DAAM2: variants seen among roughly 807,000 people sequenced by gnomAD.
DAAM2 encodes the protein disheveled-associated activator of morphogenesis 2.
DAAM2 carries 39 observed loss-of-function variants against 120.7 expected under a neutral mutation model. The observed-to-expected ratio is 0.32, with a 90% CI of 0.25 to 0.42. DAAM2 has a LOEUF of 0.42. Among genes scored for constraint, DAAM2 ranks in the 10% least tolerant of loss-of-function variants. DAAM2 has a pLI of 1.00. For synonymous variants in DAAM2, 488 were observed against 524.9 expected (o/e 0.93, Z 0.96); for missense variants, 1,283 against 1,401.7 (o/e 0.92, Z 1.35).
chr6:39,879,217 C>T lies in DAAM2; in HGVS notation c.1585C>T (p.Leu529Phe), dbSNP rs1226587632. Residue 529 changes from leucine (L) to phenylalanine (F), a missense_variant, in exon 14 of 25, where the codon CTC (leucine) becomes TTC (phenylalanine). Coordinates refer to ENST00000274867, the MANE Select transcript of DAAM2 (RefSeq NM_001201427.2). ...VSSPPPPGGP[L>F]TLSSSMTTND... Reference sequence around the variant, plus strand: ...TTCCCCACCACCCCCTGGGGGCCCACTCACCTTGTCTTCCTCAATGACAAC... The same window carrying T: ...TTCCCCACCACCCCCTGGGGGCCCATTCACCTTGTCTTCCTCAATGACAAC... The T allele has an allele frequency of 6.5e-7, 1 of 1,550,304 alleles. No homozygotes were observed. The highest frequency in any genetic ancestry group is 8.7e-7 in the Non-Finnish European group (1 of 1,146,270).
intron 1 of DAAM2, chr6:39,792,907 A>C: frequency 6.6e-6 from 1 of 152,230 alleles, no homozygotes; most frequent in Non-Finnish European, 1.5e-5. Flanking sequence ...TGAAGTCTTC[A>C]CAAGCCCCCA....
At chr6:39,871,440 T>C (rs1209282569) in intron 8 of DAAM2, 66 bp from the exon 9 acceptor site, 2 of 1,447,822 alleles carry the variant, frequency 1.4e-6, no homozygotes, top group East Asian at 2.5e-5. Context: ...GAAGGGGCTG[T>C]AACCCTCAAC....
rs1761582971 is a variant in DAAM2, at chr6:39,792,683, T to TTG, written c.-57+228_-57+229dup. Among the ~76,000 whole-genome samples the TTG allele has an allele frequency of 2.6e-5, 4 of 151,890 alleles. No individual in the cohort carries two copies. In the South Asian group the frequency reaches 8.3e-4, roughly 32 times the overall value. On this transcript the variant is annotated intron_variant, in intron 1 of 24. Coordinates refer to ENST00000274867, the MANE Select transcript of DAAM2 (RefSeq NM_001201427.2). ...CTCCCAGGGCCTGTGTGTGTGTGAG[T>TTG]TGTGTGTGTGTATGAGTGTGATTGC...
intron 1 of DAAM2, among the ~76,000 whole-genome samples, chr6:39,836,153 T>A (rs1763093656): frequency 6.6e-6 from 1 of 152,014 alleles, no homozygotes; most frequent in Non-Finnish European, 1.5e-5. Flanking sequence ...ACAGCAGACC[T>A]CCCCCCTGTG....
rs1766700393 is a variant in DAAM2 at position 39,904,574 on chromosome 6, G to A, written c.*2537G>A. On this transcript the variant is annotated 3_prime_UTR_variant, in exon 25 of 25. Coordinates refer to ENST00000274867, the MANE Select transcript of DAAM2 (RefSeq NM_001201427.2). ...CTTCTCAGCAGCATTTCTCCCCTGT[G>A]ATGGAAATAAAGTGTTTAGGGCAGT... is the stretch of plus-strand genomic sequence containing the variant. The A allele has an allele frequency of 2.2e-6, 1 of 445,292 alleles. No homozygotes were observed. Among genetic ancestry groups the A allele is most frequent in the Non-Finnish European group, 4.4e-6 (1 of 226,468 alleles). The allele number at this position is 445,292 out of a possible 1,614,324, so 27.6% of individuals were successfully genotyped here. A position where few individuals can be genotyped will look rare whatever the true frequency, so the allele number is the denominator to read the frequency against.
In DAAM2 at chr6:39,865,086, T is replaced by TC. The variant is rs777796561; in HGVS notation, c.428+17dup. On this transcript the variant is annotated intron_variant, in intron 5 of 24. Coordinates refer to ENST00000274867, the MANE Select transcript of DAAM2 (RefSeq NM_001201427.2). ...ACACAGCCTATGAGGTAATTCAGTT[T>TC]CCCCCTCTTGCTTCCTGCTGAGTCC... is the stretch of plus-strand genomic sequence containing the variant. 6.8e-6 allele frequency: 10 copies of TC among 1,467,654 alleles called. No individual in the cohort carries two copies. In the East Asian group the frequency reaches 2.4e-4, roughly 35 times the overall value. 90.9% of individuals were successfully genotyped at this position (1,467,654 alleles called of 1,614,324 possible).
At position 39,904,555 on chromosome 6, in the gene DAAM2, A is replaced by C. The variant is rs757781384; in HGVS notation, c.*2518A>C. 2.2e-6 allele frequency: 1 copy of C among 453,454 alleles called. No individual in the cohort carries two copies. The highest frequency in any genetic ancestry group is 2.0e-5 in the African/African-American group (1 of 49,512). 28.1% of individuals were successfully genotyped at this position (453,454 alleles called of 1,614,324 possible). ...TCAACCTAACAAACACAACCTTCTC[A>C]GCAGCATTTCTCCCCTGTGATGGAA... On this transcript the variant is annotated 3_prime_UTR_variant, in exon 25 of 25. Transcript: ENST00000274867.
At position 39,865,069 on chromosome 6, in the gene DAAM2, T is replaced by G. The variant is rs1764370878; in HGVS notation, c.423T>G (p.Pro141=). 6.5e-7 allele frequency: 1 copy of G among 1,543,934 alleles called. No homozygotes were observed. The highest frequency in any genetic ancestry group is 8.9e-7 in the Non-Finnish European group (1 of 1,124,294). The change falls in exon 5 of 25, where the codon CCT becomes CCG. Residue 141 remains proline, a synonymous_variant. Coordinates refer to ENST00000274867, the MANE Select transcript of DAAM2 (RefSeq NM_001201427.2). ...EDLKTALRTQ[P]MRFVTRFIEL... Reference sequence around the variant, plus strand: ...TGAAGACAGCCCTCCGGACACAGCCTATGAGGTAATTCAGTTTCCCCCTCT... The same window carrying G: ...TGAAGACAGCCCTCCGGACACAGCCGATGAGGTAATTCAGTTTCCCCCTCT...
chr6:39,875,331 C>A lies in DAAM2; in HGVS notation c.1164C>A (p.Tyr388Ter). 1 of 1,613,380 alleles carries A rather than the reference C, an allele frequency of 6.2e-7. No homozygotes were observed. The highest frequency in any genetic ancestry group is 8.5e-7 in the Non-Finnish European group (1 of 1,179,532). Residue 388 changes from tyrosine (Y) to a stop codon, truncating the protein, a stop_gained and splice_region_variant, in exon 11 of 25, where the codon TAC becomes TAA. Transcript: ENST00000274867. LOFTEE classifies it high-confidence loss of function. ...GATATGATACCTGTCATCCCTCAGA[C>A]AAACGGAACGGTGGCTACTTCCAGC... is the stretch of plus-strand genomic sequence containing the variant. ...SVLHHCLQMPYKRNGGYFQQW... is the reference protein window; with the variant it reads ...SVLHHCLQMP
chr6:39,900,158 A>G lies in DAAM2; in HGVS notation c.2761A>G (p.Ser921Gly). 6.2e-7 allele frequency: 1 copy of G among 1,606,610 alleles called. No homozygotes were observed. Among genetic ancestry groups the G allele is most frequent in the Non-Finnish European group, 8.5e-7 (1 of 1,176,696 alleles). Reference sequence around the variant, plus strand: ...CATGAGCGACTTCATCACGGTGTCCAGCTTCAGCTTCTCCGAGCTGGAGGA... The same window carrying G: ...CATGAGCGACTTCATCACGGTGTCCGGCTTCAGCTTCTCCGAGCTGGAGGA... ...PVMSDFITVS[S>G]FSFSELEDQL... Residue 921 changes from serine to glycine, a missense_variant, in exon 23 of 25, where the codon AGC becomes GGC. Physicochemically the swap from Ser to Gly is moderately conservative, Grantham distance 56 (BLOSUM62 0). Coordinates refer to ENST00000274867, the MANE Select transcript of DAAM2 (RefSeq NM_001201427.2).
intron 16 of DAAM2, 56 bp from the exon 17 acceptor site, chr6:39,888,623 C>CT: frequency 6.6e-7 from 1 of 1,524,282 alleles, no homozygotes; most frequent in Middle Eastern, 1.7e-4. Flanking sequence ...GAGGTGGTAC[C>CT]TTTTGGAGAA....
chr6:39,794,780 A>G (rs777008984), intron 1 of DAAM2, among the ~76,000 whole-genome samples: 6 of 152,198 alleles, frequency 3.9e-5, no homozygotes, highest in Non-Finnish European at 7.3e-5. Flanking sequence ...GAAAGCATAG[A>G]GATAATGAAA....
chr6:39,838,947 C>T (rs1763213748), intron 1 of DAAM2, among the ~76,000 whole-genome samples: 3 of 150,100 alleles, frequency 2.0e-5, no homozygotes, highest in Admixed American at 1.3e-4. Flanking sequence ...GCGTGAGCCA[C>T]CGTGCCTGGC....
chr6:39,839,944 T>C (rs780013937), intron 1 of DAAM2, among the ~76,000 whole-genome samples: 2 of 152,206 alleles, frequency 1.3e-5, no homozygotes, highest in African/African-American at 2.4e-5. Flanking sequence ...AGCTGGGTCA[T>C]GGCCAGGCGC....
At chr6:39,876,710 T>C (rs975068883) in intron 11 of DAAM2, among the ~76,000 whole-genome samples, 3 of 99,950 alleles carry the variant, frequency 3.0e-5, no homozygotes, top group African/African-American at 1.1e-4. Context: ...GGGAAGGGTG[T>C]GTGTGTGTGT....
intron 1 of DAAM2, among the ~76,000 whole-genome samples, chr6:39,825,603 A>G (rs374510968): frequency 1.3e-5 from 2 of 151,964 alleles, no homozygotes; most frequent in East Asian, 1.9e-4. Flanking sequence ...CACCCTCTCC[A>G]TCGTACCAGG....
intron 3 of DAAM2, 134 bp downstream of exon 3, chr6:39,861,151 G>A: frequency 1.3e-6 from 1 of 744,804 alleles, no homozygotes; most frequent in Non-Finnish European, 2.4e-6. Flanking sequence ...AGGAACAACA[G>A]TGAATAAAAT....
In DAAM2 at chr6:39,904,398, CCA is replaced by C. The variant is rs2149390198; in HGVS notation, c.*2362_*2363del. 1 of 456,028 alleles carries C rather than the reference CCA, an allele frequency of 2.2e-6. No individual in the cohort carries two copies. Among genetic ancestry groups the C allele is most frequent in the East Asian group, 6.9e-5 (1 of 14,398 alleles). 28.2% of individuals were successfully genotyped at this position (456,028 alleles called of 1,614,324 possible). ...CAACTGAGTAAGAAGGGGCTGGTGC[CCA>C]GTCGGGGTGGCTGAGCTGGTCCTTA... On this transcript the variant is annotated 3_prime_UTR_variant, in exon 25 of 25. Coordinates refer to ENST00000274867, the MANE Select transcript of DAAM2 (RefSeq NM_001201427.2).
At chr6:39,887,083 G>C (rs1026528457) in intron 15 of DAAM2, 3 of 168,324 alleles carry the variant, frequency 1.8e-5, no homozygotes, top group African/African-American at 7.2e-5. Flanking sequence ...GGGCCTCTGG[G>C]TTGGGCAGTG....
Sources: gnomAD v4.1 joint callset for allele counts (sites outside exome capture counted in the v4.1 genomes callset) on GRCh38, gnomAD v4.1.1 for gene constraint, MANE v1.5 for transcripts, NCBI Gene and HGNC (gene_info 2026-07-23, HGNC 2026-07-21) for gene names.